The following NEGR1 variants were observed in gnomAD, a reference collection of about 807,000 sequenced individuals.
NEGR1 encodes the protein IgLON family member 4.
A neutral mutation model predicts 40.9 loss-of-function variants in NEGR1; 10 were observed. The observed-to-expected ratio is 0.24, with a 90% CI of 0.15 to 0.42. NEGR1 has a LOEUF of 0.42. NEGR1 is among the 10% of genes least tolerant of loss of function. NEGR1 has a pLI of 1.00. For missense variants in NEGR1, 352 were observed against 438.9 expected (o/e 0.80, Z 1.77); for synonymous variants, 185 against 166.8 (o/e 1.11, Z -0.84).
intron 6 of NEGR1, among the ~76,000 whole-genome samples, chr1:71,520,749 T>G (rs1184537837): frequency 6.6e-6 from 1 of 151,970 alleles, no homozygotes; most frequent in Non-Finnish European, 1.5e-5. Flanking sequence ...ATCAACTAAC[T>G]ATAGCTCCTA....
chr1:71,762,402 G>C (rs916820496), intron 3 of NEGR1, among the ~76,000 whole-genome samples: 1 of 152,030 alleles, frequency 6.6e-6, no homozygotes, highest in Non-Finnish European at 1.5e-5. Flanking sequence ...GAATGCATAT[G>C]TTGTATCAAC....
At chr1:71,473,282 C>CT (rs1431804184) in intron 6 of NEGR1, among the ~76,000 whole-genome samples, 2 of 152,012 alleles carry the variant, frequency 1.3e-5, no homozygotes, top group African/African-American at 4.8e-5. Flanking sequence ...AGAAGAAGAT[C>CT]TTAAAAGCTA....
intron 2 of NEGR1, among the ~76,000 whole-genome samples, chr1:71,790,360 A>G (rs1657070381): frequency 6.6e-6 from 1 of 152,130 alleles, no homozygotes; most frequent in Non-Finnish European, 1.5e-5. Context: ...GACACATTTA[A>G]TGATAAAACT....
At chr1:72,064,063 T>G (rs908547880) in intron 1 of NEGR1, among the ~76,000 whole-genome samples, 5 of 151,816 alleles carry the variant, frequency 3.3e-5, no homozygotes, top group African/African-American at 9.7e-5. Context: ...GTAAAAGTTA[T>G]TAAAAAAAGG....
chr1:71,762,608 G>A (rs961014342), intron 3 of NEGR1, among the ~76,000 whole-genome samples: 3 of 152,006 alleles, frequency 2.0e-5, no homozygotes, highest in Non-Finnish European at 2.9e-5. Flanking sequence ...ATACTATTCT[G>A]CAATAAAAAA....
chr1:72,229,677 T>C (rs1224267917), intron 1 of NEGR1, among the ~76,000 whole-genome samples: 1 of 151,628 alleles, frequency 6.6e-6, no homozygotes, highest in Non-Finnish European at 1.5e-5. Context: ...GGTAAGTTGA[T>C]TTATAAAGAG....
At chr1:71,881,893 G>A (rs897479456) in intron 2 of NEGR1, among the ~76,000 whole-genome samples, 6 of 152,084 alleles carry the variant, frequency 3.9e-5, no homozygotes, top group African/African-American at 1.4e-4. Flanking sequence ...ACTGTAAAAA[G>A]CAGCCAGTTC....
intron 1 of NEGR1, among the ~76,000 whole-genome samples, chr1:72,227,062 A>G (rs907330689): frequency 2.6e-5 from 4 of 152,128 alleles, no homozygotes; most frequent in African/African-American, 9.7e-5. Context: ...TAAATGAGAA[A>G]GTGCCATTGG....
Position 72,179,664 on chromosome 1 carries a change from A to C in NEGR1, c.176+102655T>G, listed in dbSNP as rs576000057. Among the ~76,000 whole-genome samples, 9 of 152,216 alleles carry C rather than the reference A, an allele frequency of 5.9e-5. No individual in the cohort carries two copies. In the East Asian group the frequency reaches 1.7e-3, roughly 29 times the overall value. ...CTTGGCATAAAGTACTAGGCATTTTATTCTAATTTTTTCAATCATAAGATG... is the reference window on the plus strand; with the variant it reads ...CTTGGCATAAAGTACTAGGCATTTTCTTCTAATTTTTTCAATCATAAGATG... On this transcript the variant is annotated intron_variant, in intron 1 of 6. Transcript: ENST00000357731.
intron 1 of NEGR1, among the ~76,000 whole-genome samples, chr1:72,013,992 G>A (rs1215980768): frequency 2.9e-5 from 4 of 136,446 alleles, no homozygotes; most frequent in Admixed American, 7.4e-5. Flanking sequence ...AAAAAAAGGA[G>A]GTTGGGGGAG....
intron 4 of NEGR1, among the ~76,000 whole-genome samples, chr1:71,630,506 T>C (rs368664103): frequency 2.8e-4 from 42 of 152,102 alleles, no homozygotes; most frequent in African/African-American, 8.7e-4. Flanking sequence ...GGTTCTATCA[T>C]CTGAAAGCTC....
chr1:72,193,538 C>T (rs1360410593), intron 1 of NEGR1, among the ~76,000 whole-genome samples: 1 of 151,632 alleles, frequency 6.6e-6, no homozygotes, highest in African/African-American at 2.4e-5. Flanking sequence ...CCTTAAGCAT[C>T]CATCTTGCTG....
At chr1:71,628,897 C>T (rs1308726364) in intron 4 of NEGR1, among the ~76,000 whole-genome samples, 44 of 152,054 alleles carry the variant, frequency 2.9e-4, no homozygotes, top group Admixed American at 2.8e-3. Context: ...GTCTTTATAG[C>T]AGAATGATTT....
chr1:71,523,002 T>C (rs1647171476), intron 6 of NEGR1, among the ~76,000 whole-genome samples: 1 of 151,986 alleles, frequency 6.6e-6, no homozygotes, highest in African/African-American at 2.4e-5. Flanking sequence ...ACAAAAATCT[T>C]TAAGACTCAA....
chr1:71,806,617 A>G (rs1657779962), intron 2 of NEGR1, among the ~76,000 whole-genome samples: 1 of 152,158 alleles, frequency 6.6e-6, no homozygotes, highest in Non-Finnish European at 1.5e-5. Flanking sequence ...ATACTAATGA[A>G]GAAATTATTA....
chr1:71,535,421 T>C (rs1489104177), intron 6 of NEGR1, among the ~76,000 whole-genome samples: 3 of 151,712 alleles, frequency 2.0e-5, no homozygotes, highest in Non-Finnish European at 4.4e-5. Flanking sequence ...AGAGCTAAAT[T>C]GCTTATGTAA....
intron 1 of NEGR1, among the ~76,000 whole-genome samples, chr1:72,036,381 C>A (rs1646902479): frequency 6.6e-6 from 1 of 152,046 alleles, no homozygotes. Context: ...ATTGGCTGGG[C>A]ACGTTGGCTC....
intron 4 of NEGR1, among the ~76,000 whole-genome samples, chr1:71,618,558 AC>A (rs370992064): frequency 2.6e-5 from 4 of 151,998 alleles, no homozygotes; most frequent in African/African-American, 9.6e-5. Context: ...GTCTCCCATC[AC>A]CCCCAGATGA....
intron 1 of NEGR1, among the ~76,000 whole-genome samples, chr1:72,040,306 T>C (rs1569863256): frequency 6.6e-6 from 1 of 151,946 alleles, no homozygotes; most frequent in Non-Finnish European, 1.5e-5. Flanking sequence ...AATTCTGTGT[T>C]GAATCTGCAA....
Sources: allele counts gnomAD v4.1 joint callset (sites outside exome capture counted in the v4.1 genomes callset), GRCh38; gene constraint gnomAD v4.1.1; transcripts MANE v1.5; gene names NCBI Gene and HGNC (gene_info 2026-07-23, HGNC 2026-07-21).